DENND1A: variants seen among roughly 807,000 people sequenced by gnomAD.
DENND1A encodes DENN domain-containing protein 1A.
Under a neutral mutation model 113.7 loss-of-function variants are expected in DENND1A, and 51 were observed. The ratio of observed to expected loss-of-function variants is 0.45; its 90% CI spans 0.36 to 0.57. The LOEUF is 0.57. DENND1A is among the 20% of genes least tolerant of loss of function. DENND1A has a pLI of 0.00. For missense variants in DENND1A, 1,258 were observed against 1,395.9 expected (o/e 0.90, Z 1.57); for synonymous variants, 565 against 570.8 (o/e 0.99, Z 0.14).
Position 123,705,391 on chromosome 9 carries a change from A to G in DENND1A, c.303-28602T>C, listed in dbSNP as rs985171966. Among the ~76,000 whole-genome samples the G allele has an allele frequency of 1.8e-4, 28 of 152,276 alleles. No individual in the cohort carries two copies. In the East Asian group the frequency reaches 4.6e-3, roughly 25 times the overall value. The stretch of plus-strand genomic sequence containing the variant: ...AAGGGTACAAAGAATAGGAAAGGGG[A>G]AAAAAGGTAAAGTGGTTATTTATAA... On this transcript the variant is annotated intron_variant, in intron 5 of 23. Transcript: ENST00000394215.
chr9:123,421,557 G>C (rs2045306458), intron 19 of DENND1A, among the ~76,000 whole-genome samples: 1 of 152,174 alleles, frequency 6.6e-6, no homozygotes, highest in South Asian at 2.1e-4. Context: ...TGTCTTTGCA[G>C]CCGCCTGCAT....
intron 1 of DENND1A, among the ~76,000 whole-genome samples, chr9:123,904,180 A>G (rs566789285): frequency 1.3e-5 from 2 of 151,980 alleles, no homozygotes; most frequent in African/African-American, 2.4e-5. Context: ...TAGAAGGAAA[A>G]CTAACAAACA....
intron 11 of DENND1A, among the ~76,000 whole-genome samples, chr9:123,599,390 TTAC>T (rs1233427043): frequency 6.6e-6 from 1 of 152,212 alleles, no homozygotes; most frequent in African/African-American, 2.4e-5. Flanking sequence ...AAAGGCATGG[TTAC>T]TACATCACAG....
At chr9:123,848,732 G>A (rs1391359651) in intron 2 of DENND1A, among the ~76,000 whole-genome samples, 7 of 152,098 alleles carry the variant, frequency 4.6e-5, no homozygotes, top group Non-Finnish European at 5.9e-5. Flanking sequence ...GCCCAACTGC[G>A]AATCCAAAGG....
chr9:123,898,612 G>A (rs1444233188), intron 1 of DENND1A, among the ~76,000 whole-genome samples: 1 of 152,102 alleles, frequency 6.6e-6, no homozygotes, highest in Non-Finnish European at 1.5e-5. Flanking sequence ...GAGCCAACAT[G>A]CCCAGCTGAT....
At chr9:123,588,633 A>AGGGGGG (rs1290448078) in intron 11 of DENND1A, among the ~76,000 whole-genome samples, 24 of 86,420 alleles carry the variant, frequency 2.8e-4, no homozygotes, top group Non-Finnish European at 4.9e-4. Flanking sequence ...AAAAAAAAAA[A>AGGGGGG]GGGGGGGGGG....
intron 12 of DENND1A, among the ~76,000 whole-genome samples, chr9:123,572,415 T>C (rs535199541): frequency 6.6e-6 from 1 of 152,324 alleles, no homozygotes; most frequent in African/African-American, 2.4e-5. Context: ...CGTTTTCCTT[T>C]TCTTGGGCAA....
chr9:123,472,648 C>G (rs192591821), intron 13 of DENND1A, among the ~76,000 whole-genome samples: 3 of 152,202 alleles, frequency 2.0e-5, no homozygotes, highest in Non-Finnish European at 2.9e-5. Flanking sequence ...CCTTGTCCCC[C>G]TCAGGCAGCC....
At chr9:123,743,657 G>A (rs1335682292) in intron 5 of DENND1A, among the ~76,000 whole-genome samples, 1 of 151,414 alleles carries the variant, frequency 6.6e-6, no homozygotes, top group African/African-American at 2.4e-5. Flanking sequence ...ACTTGAACCT[G>A]GAAGGCAGAG....
At chr9:123,543,226 T>A (rs1377927804) in intron 13 of DENND1A, among the ~76,000 whole-genome samples, 1 of 152,224 alleles carries the variant, frequency 6.6e-6, no homozygotes, top group Non-Finnish European at 1.5e-5. Context: ...AGCCATTAGC[T>A]CTAGCAGTGC....
intron 10 of DENND1A, among the ~76,000 whole-genome samples, chr9:123,619,187 T>C (rs1206991363): frequency 2.0e-5 from 3 of 152,136 alleles, no homozygotes; most frequent in Non-Finnish European, 4.4e-5. Context: ...TCTCAGGTGA[T>C]CCACCCACCT....
At chr9:123,561,912 T>C (rs1166717840) in intron 12 of DENND1A, among the ~76,000 whole-genome samples, 1 of 152,136 alleles carries the variant, frequency 6.6e-6, no homozygotes, top group South Asian at 2.1e-4. Context: ...CCAACCCAGA[T>C]ATGCCCTGAA....
chr9:123,923,505 G>A (rs2134189712), intron 1 of DENND1A, among the ~76,000 whole-genome samples: 1 of 152,316 alleles, frequency 6.6e-6, no homozygotes, highest in African/African-American at 2.4e-5. Context: ...TCATCACAAA[G>A]CAGAGAGATA....
At position 123,382,329 on chromosome 9, in the gene DENND1A, G is replaced by A; in HGVS notation, c.2316C>T (p.Gly772=). The stretch of plus-strand genomic sequence containing the variant: ...GGGGAATGGGCGGTGGAGGCACGAT[G>A]CCCAGCTCTGGGGTCTTCCTGCCTT... ...RPQGRKTPEL[G]IVPPPPIPRP... Residue 772 remains glycine (G), a synonymous_variant, in exon 24 of 24, where the codon GGC becomes GGT. Coordinates refer to ENST00000394215, the MANE Select transcript of DENND1A (RefSeq NM_001352964.2). The A allele has an allele frequency of 3.7e-6, 6 of 1,608,940 alleles. No homozygotes were observed. Among genetic ancestry groups the A allele is most frequent in the Non-Finnish European group, 5.1e-6 (6 of 1,178,262 alleles).
intron 12 of DENND1A, among the ~76,000 whole-genome samples, chr9:123,577,944 T>C (rs746207172): frequency 6.6e-6 from 1 of 152,364 alleles, no homozygotes; most frequent in Non-Finnish European, 1.5e-5. Flanking sequence ...TTGTCCTGAA[T>C]GACCAACAAG....
Position 123,450,746 on chromosome 9 carries a change from T to C in DENND1A, c.1303A>G (p.Lys435Glu). ...TTTATTCCCATTTTTGCATGATCTT[T>C]TGCCTGCATGAAAAATTAATTTAAG... ...PAMKTVYKFA[K>E]DHAKMGIKEV... The change falls in exon 18 of 24, where the codon AAA becomes GAA. Residue 435 changes from lysine to glutamate, a missense_variant. Around this residue, in one of 2 missense-constraint regions of DENND1A, gnomAD observed 1,159 missense variants for 1,231.7 expected, o/e 0.94. Coordinates refer to ENST00000394215, the MANE Select transcript of DENND1A (RefSeq NM_001352964.2). 1 of 1,610,820 alleles carries C rather than the reference T, an allele frequency of 6.2e-7. No individual in the cohort carries two copies. The highest frequency in any genetic ancestry group is 8.5e-7 in the Non-Finnish European group (1 of 1,179,132).
chr9:123,583,672 C>G lies in DENND1A; in HGVS notation c.766-402G>C, dbSNP rs1173282042. Among the ~76,000 whole-genome samples the G allele has an allele frequency of 2.0e-5, 3 of 152,338 alleles. No individual in the cohort carries two copies. The East Asian group carries it at 5.8e-4, about 29-fold the overall frequency. On this transcript the variant is annotated intron_variant, in intron 11 of 23. Coordinates refer to ENST00000394215, the MANE Select transcript of DENND1A (RefSeq NM_001352964.2). ...ATGATATCCCCATTCAATCCAGCCC[C>G]CTAATTTAACAAAGGCTACTTGCCC...
chr9:123,523,053 T>C (rs1364384351), intron 13 of DENND1A, among the ~76,000 whole-genome samples: 1 of 152,196 alleles, frequency 6.6e-6, no homozygotes, highest in African/African-American at 2.4e-5. Context: ...TGAGGCCACA[T>C]CTAATTGCTA....
At chr9:123,499,924 G>A (rs2052320104) in intron 13 of DENND1A, among the ~76,000 whole-genome samples, 1 of 152,238 alleles carries the variant, frequency 6.6e-6, no homozygotes, top group African/African-American at 2.4e-5. Flanking sequence ...CCAGCACAGA[G>A]CGAGCATCCT....
Sources: gnomAD v4.1 joint callset for allele counts (sites outside exome capture counted in the v4.1 genomes callset) on GRCh38, gnomAD v4.1.1 for gene constraint, gnomAD v4.1.1 regional missense constraint, MANE v1.5 for transcripts, NCBI Gene and HGNC (gene_info 2026-07-23, HGNC 2026-07-21) for gene names.